Variants in SPARCL1 observed in about 807,000 individuals in gnomAD.
The protein encoded by SPARCL1 is SPARC like 1.
Under a neutral mutation model 67.1 loss-of-function variants are expected in SPARCL1, and 52 were observed. The ratio of observed to expected loss-of-function variants is 0.78; its 90% CI spans 0.62 to 0.98. The LOEUF is 0.98. Ranked by LOEUF, SPARCL1 falls within the 50% of genes least tolerant of loss-of-function variation. SPARCL1 has a pLI of 0.00. For missense variants in SPARCL1, 717 were observed against 782.4 expected (o/e 0.92, Z 1.00); for synonymous variants, 226 against 267.8 (o/e 0.84, Z 1.52).
chr4:87,524,685 C>T (rs1560457171), intron 1 of SPARCL1, among the ~76,000 whole-genome samples: 2 of 152,174 alleles, frequency 1.3e-5, no homozygotes, highest in South Asian at 4.1e-4. Context: ...GCTCCCATCT[C>T]CTCAGCTGCA....
chr4:87,525,378 A>C lies in SPARCL1; in HGVS notation c.-12+3667T>G, dbSNP rs116877950. ...ATGAGAAGACAGAGGCACAGAATGG[A>C]TTAGATTAAAACAACTAGAAGGTAT... On this transcript the variant is annotated intron_variant, in intron 1 of 10. Transcript: ENST00000282470. Among the ~76,000 whole-genome samples, 48 of 152,290 alleles carry C rather than the reference A, an allele frequency of 3.2e-4. 1 individual carries two copies. In the East Asian group the frequency reaches 8.5e-3, roughly 27 times the overall value.
chr4:87,508,889 GTATA>G (rs142792848), intron 1 of SPARCL1, among the ~76,000 whole-genome samples: 13 of 138,354 alleles, frequency 9.4e-5, no homozygotes, highest in African/African-American at 2.1e-4. Flanking sequence ...ATGTATATAA[GTATA>G]TATATATATA....
At position 87,479,531 on chromosome 4, in the gene SPARCL1, G is replaced by T; in HGVS notation, c.1865C>A (p.Pro622His). ...GAAACGGGTTATGCAGTGTTCCATG[G>T]GCACCAGAGATGCTCGCAGAGGAGC... is the stretch of plus-strand genomic sequence containing the variant. Reference protein sequence around the residue: ...ELAPLRASLVPMEHCITRFFE... With the variant: ...ELAPLRASLVHMEHCITRFFE... The change falls in exon 10 of 11, where the codon CCC becomes CAC. Residue 622 changes from proline (P) to histidine (H), a missense_variant. Transcript: ENST00000282470. The T allele has an allele frequency of 1.9e-6, 3 of 1,614,056 alleles. No individual in the cohort carries two copies. Among genetic ancestry groups the T allele is most frequent in the Non-Finnish European group, 2.5e-6 (3 of 1,179,992 alleles).
chr4:87,493,956 A>T lies in SPARCL1; in HGVS notation c.844T>A (p.Ser282Thr). ...TCTTGAATGTGCTTATTGACGTTCG[A>T]TGCATTTTCCTCTTCCATTTCTGCA... ...SNAEMEEENA[S>T]NVNKHIQETE... Residue 282 changes from serine (S) to threonine (T), a missense_variant, in exon 4 of 11, where the codon TCG (serine) becomes ACG (threonine). By Grantham distance (58) the Ser-to-Thr change is moderately conservative. Coordinates refer to ENST00000282470, the MANE Select transcript of SPARCL1 (RefSeq NM_004684.6). 6.2e-7 allele frequency: 1 copy of T among 1,614,078 alleles called. No individual in the cohort carries two copies. The highest frequency in any genetic ancestry group is 8.5e-7 in the Non-Finnish European group (1 of 1,180,020).
chr4:87,526,240 T>G (rs1726036662), intron 1 of SPARCL1, among the ~76,000 whole-genome samples: 3 of 152,202 alleles, frequency 2.0e-5, no homozygotes, highest in African/African-American at 7.2e-5. Context: ...AATAAATACC[T>G]CGTGTTGAGG....
In SPARCL1 at chr4:87,482,455, G is replaced by T; in HGVS notation, c.1637C>A (p.Ala546Asp). Residue 546 changes from alanine to aspartate, a missense_variant, in exon 8 of 11, where the codon GCT (alanine) becomes GAT (aspartate). By Grantham distance (126) the Ala-to-Asp change is moderately radical (BLOSUM62 -2). Coordinates refer to ENST00000282470, the MANE Select transcript of SPARCL1 (RefSeq NM_004684.6). ...TCTCTGCTTCTCATTTAGATAACCA[G>T]CGTGTTCAGAGTTGGCTTCATAAAG... ...MQLYEANSEHAGYLNEKQRNK... is the reference protein window; with the variant it reads ...MQLYEANSEHDGYLNEKQRNK... 1 of 1,613,902 alleles carries T rather than the reference G, an allele frequency of 6.2e-7. No homozygotes were observed.
chr4:87,485,521 AT>A (rs59992879), intron 7 of SPARCL1, among the ~76,000 whole-genome samples: 31,874 of 143,574 alleles, frequency 0.22, 4,979 homozygotes, highest in African/African-American at 0.47. Flanking sequence ...ATTGGCCTGA[AT>A]TTTTTTTTTT....
chr4:87,490,790 C>T lies in SPARCL1; in HGVS notation c.1380G>A (p.Val460=), dbSNP rs1306090939. ...GKPHCVCQDP[V]TCPPTKPLDQ... ...CAAGGGGTTTTGTTGGAGGACAAGT[C>T]ACTGGATCCTGGCAGACACAGTGAG... The change falls in exon 6 of 11, where the codon GTG becomes GTA. Residue 460 remains valine (V), a synonymous_variant. Transcript: ENST00000282470. 1.2e-6 allele frequency: 2 copies of T among 1,612,070 alleles called. No individual in the cohort carries two copies. The highest frequency in any genetic ancestry group is 1.3e-5 in the African/African-American group (1 of 74,886).
intron 1 of SPARCL1, among the ~76,000 whole-genome samples, chr4:87,520,246 C>CAAA (rs71667860): frequency 0.3 from 31,441 of 104,726 alleles, 5,501 homozygotes; most frequent in East Asian, 0.52. Context: ...GACACTGTCT[C>CAAA]AAAAAAAAAA....
chr4:87,501,161 C>A (rs114947021), intron 1 of SPARCL1, among the ~76,000 whole-genome samples: 1 of 152,164 alleles, frequency 6.6e-6, no homozygotes, highest in African/African-American at 2.4e-5. Context: ...GTCCATTTCG[C>A]CCCTTGGAAG....
chr4:87,515,086 ATTC>A (rs1175319924), intron 1 of SPARCL1, among the ~76,000 whole-genome samples: 1 of 152,258 alleles, frequency 6.6e-6, no homozygotes, highest in Non-Finnish European at 1.5e-5. Flanking sequence ...CAGAATTATT[ATTC>A]TCAAAGACTT....
chr4:87,489,033 G>A (rs1005085123), intron 7 of SPARCL1, among the ~76,000 whole-genome samples: 4 of 152,208 alleles, frequency 2.6e-5, no homozygotes, highest in African/African-American at 9.6e-5. Context: ...GGCTCTGTGG[G>A]GGTGGGATCC....
chr4:87,495,030 T>C lies in SPARCL1; in HGVS notation c.152A>G (p.Glu51Gly). The C allele has an allele frequency of 6.2e-7, 1 of 1,613,116 alleles. No individual in the cohort carries two copies. The highest frequency in any genetic ancestry group is 1.1e-5 in the South Asian group (1 of 90,760). ...AIPSLRAEAE[E>G]NEKETAVSTE... is the part of the protein sequence containing the mutation. ...GGATACTGCTGTTTCTTTTTCATTT[T>C]CTTCAGCTTCAGCCCTTAAACTGGG... The change falls in exon 3 of 11, where the codon GAA becomes GGA. Residue 51 changes from glutamate to glycine, a missense_variant. Coordinates refer to ENST00000282470, the MANE Select transcript of SPARCL1 (RefSeq NM_004684.6).
chr4:87,527,308 T>A (rs986774746), intron 1 of SPARCL1, among the ~76,000 whole-genome samples: 7 of 152,148 alleles, frequency 4.6e-5, no homozygotes, highest in Non-Finnish European at 8.8e-5. Flanking sequence ...CTACTGGATT[T>A]ATTTATGGGG....
chr4:87,512,820 A>C (rs1298325267), intron 1 of SPARCL1, among the ~76,000 whole-genome samples: 2 of 152,252 alleles, frequency 1.3e-5, no homozygotes, highest in East Asian at 3.8e-4. Flanking sequence ...TGCCAAAACC[A>C]TTAGCAAGAC....
At chr4:87,506,976 TC>T (rs1194039395) in intron 1 of SPARCL1, among the ~76,000 whole-genome samples, 1 of 152,198 alleles carries the variant, frequency 6.6e-6, no homozygotes, top group African/African-American at 2.4e-5. Context: ...AAATTTTAAT[TC>T]TTTTTTCTCT....
intron 1 of SPARCL1, among the ~76,000 whole-genome samples, chr4:87,516,314 T>C (rs1020024716): frequency 6.6e-6 from 1 of 152,198 alleles, no homozygotes; most frequent in African/African-American, 2.4e-5. Context: ...ATGAAACAGT[T>C]GCTTTGAGTC....
chr4:87,493,830 G>A lies in SPARCL1; in HGVS notation c.970C>T (p.Pro324Ser), dbSNP rs369126577. 6.2e-7 allele frequency: 1 copy of A among 1,613,956 alleles called. No homozygotes were observed. ...KTVSEALLME[P>S]TDDGNTTPRN... is the part of the protein sequence containing the mutation. The stretch of plus-strand genomic sequence containing the variant: ...GGCGTGGTATTACCATCATCAGTAG[G>A]TTCCATGAGCAGAGCCTCAGAAACA... Residue 324 changes from proline to serine, a missense_variant, in exon 4 of 11, where the codon CCT (proline) becomes TCT (serine). Physicochemically the swap from Pro to Ser is moderately conservative, Grantham distance 74. Coordinates refer to ENST00000282470, the MANE Select transcript of SPARCL1 (RefSeq NM_004684.6).
intron 2 of SPARCL1, among the ~76,000 whole-genome samples, chr4:87,497,641 A>G (rs1210998493): frequency 2.0e-5 from 3 of 152,258 alleles, no homozygotes; most frequent in African/African-American, 2.4e-5. Context: ...CATTTCTATG[A>G]GAAGATACTT....
Sources: allele counts gnomAD v4.1 joint callset (sites outside exome capture counted in the v4.1 genomes callset), GRCh38; gene constraint gnomAD v4.1.1; transcripts MANE v1.5; gene names NCBI Gene and HGNC (gene_info 2026-07-23, HGNC 2026-07-21).